Variants in BPTF observed in about 807,000 individuals in gnomAD.
BPTF encodes bromodomain PHD finger transcription factor, also known as nucleosome-remodeling factor subunit BPTF.
BPTF carries 18 observed loss-of-function variants against 292.5 expected under a neutral mutation model. The observed-to-expected ratio is 0.06, with a 90% confidence interval of 0.04 to 0.09. The LOEUF is 0.09. Ranked by LOEUF, BPTF falls within the 10% of genes least tolerant of loss-of-function variation. The probability of loss-of-function intolerance (pLI) is 1.00; values close to 1 mark genes in which losing one functional copy is unlikely to be tolerated. For synonymous variants in BPTF, 1,225 were observed against 1,251.9 expected, an observed-to-expected ratio of 0.98 and a Z score of 0.45; for missense variants, 2,726 against 3,498.7, an observed-to-expected ratio of 0.78 and a Z score of 5.57.
intron 4 of BPTF, among the ~76,000 whole-genome samples, chr17:67,884,940 T>C (rs73352835): frequency 0.018 from 2,771 of 152,290 alleles, 93 homozygotes; most frequent in African/African-American, 0.063. Flanking sequence ...TTTCTTCATA[T>C]AGTTTTATTT....
At chr17:67,970,050 ATGGCGAAACCC>A (rs2068591540) in intron 26 of BPTF, among the ~76,000 whole-genome samples, 1 of 152,106 alleles carries the variant, frequency 6.6e-6, no homozygotes. Flanking sequence ...CCTGACCAAC[ATGGCGAAACCC>A]TGTCTCTACT....
chr17:67,848,832 G>A (rs975152258), intron 1 of BPTF, among the ~76,000 whole-genome samples: 2 of 152,164 alleles, frequency 1.3e-5, no homozygotes, highest in Admixed American at 6.5e-5. Context: ...GAGGTAATAA[G>A]CTATCAGGTG....
In BPTF at chr17:67,911,663, G is replaced by A. The variant is rs2062662996; in HGVS notation, c.3779G>A (p.Ser1260Asn). Residue 1260 changes from serine (S) to asparagine (N), a missense_variant, in exon 11 of 28, where the codon AGT becomes AAT. Around this residue, in one of 22 missense-constraint regions of BPTF, gnomAD observed 713 missense variants for 714.9 expected, o/e 1.00. Transcript: ENST00000306378. ...KSALHSSVPK[S>N]TNDRDATPLS... is the part of the protein sequence containing the mutation. ...GCTTTACATTCATCAGTGCCTAAAA[G>A]TACCAATGACAGAGATGCCACACCT... 5 of 1,614,142 alleles carry A rather than the reference G, an allele frequency of 3.1e-6. No individual in the cohort carries two copies. The highest frequency in any genetic ancestry group is 4.2e-6 in the Non-Finnish European group (5 of 1,180,036).
rs781820068 is a variant in BPTF at position 67,983,636 on chromosome 17, T to TA, written c.*1349dup. The TA allele has an allele frequency of 2.0e-5, 3 of 152,638 alleles. No homozygotes were observed. Among genetic ancestry groups the TA allele is most frequent in the East Asian group, 1.9e-4 (1 of 5,194 alleles). 9.5% of individuals were successfully genotyped at this position (152,638 alleles called of 1,614,324 possible). A position where few individuals can be genotyped will look rare whatever the true frequency, so the allele number is the denominator to read the frequency against. ...TGCATGTTTTTCCTTTCAGTGTTCT[T>TA]ACACGTTGTATCACTGCATTGTGGT... On this transcript the variant is annotated 3_prime_UTR_variant, in exon 28 of 28. Transcript: ENST00000306378.
At chr17:67,920,250 A>G (rs762375538) in intron 13 of BPTF, 107 bp downstream of exon 13, 41 of 1,305,252 alleles carry the variant, frequency 3.1e-5, no homozygotes, top group African/African-American at 6.0e-5. Context: ...TAAAAAAGAC[A>G]TATTTTACAA....
intron 18 of BPTF, among the ~76,000 whole-genome samples, chr17:67,937,886 G>A (rs1347902278): frequency 6.6e-6 from 1 of 152,178 alleles, no homozygotes; most frequent in Non-Finnish European, 1.5e-5. Flanking sequence ...AGGCCAAGGC[G>A]GGCGGATCAC....
chr17:67,879,559 T>C lies in BPTF; in HGVS notation c.1864+4539T>C, dbSNP rs189178552. Among the ~76,000 whole-genome samples, 43 of 152,312 alleles carry C rather than the reference T, an allele frequency of 2.8e-4. No homozygotes were observed. The East Asian group carries it at 8.3e-3, about 29-fold the overall frequency. ...GTAGATAATGGCTATCTTAGTCCATTTGTGTTGCTGTAAAGGAGTATCTAA... is the reference window on the plus strand; with the variant it reads ...GTAGATAATGGCTATCTTAGTCCATCTGTGTTGCTGTAAAGGAGTATCTAA... On this transcript the variant is annotated intron_variant, in intron 4 of 27. Coordinates refer to ENST00000306378, the MANE Select transcript of BPTF (RefSeq NM_182641.4).
chr17:67,965,780 AGT>A (rs1489493899), intron 25 of BPTF: 1 of 151,474 alleles, frequency 6.6e-6, no homozygotes, highest in Non-Finnish European at 1.5e-5. Context: ...ACAGAAAGCC[AGT>A]GTGGTTGCTC....
intron 25 of BPTF, among the ~76,000 whole-genome samples, chr17:67,964,761 G>T (rs2067858281): frequency 6.6e-6 from 1 of 152,084 alleles, no homozygotes; most frequent in Non-Finnish European, 1.5e-5. Flanking sequence ...AGCACTTTGG[G>T]AGGCCAAGGT....
intron 26 of BPTF, among the ~76,000 whole-genome samples, chr17:67,973,336 T>C (rs2069007914): frequency 6.6e-6 from 1 of 150,506 alleles, no homozygotes. Flanking sequence ...ATCCCGCCAC[T>C]GCACTCCAGC....
chr17:67,920,874 A>T (rs2063384354), intron 13 of BPTF, among the ~76,000 whole-genome samples: 1 of 152,094 alleles, frequency 6.6e-6, no homozygotes. Context: ...ATTTTATTTT[A>T]TATAAACAAT....
chr17:67,876,133 G>A (rs188727479), intron 4 of BPTF, among the ~76,000 whole-genome samples: 6 of 152,100 alleles, frequency 3.9e-5, no homozygotes, highest in Non-Finnish European at 2.9e-5. Flanking sequence ...GCATGTGCTC[G>A]TGTAATATTT....
intron 25 of BPTF, among the ~76,000 whole-genome samples, chr17:67,964,737 A>G (rs1244239797): frequency 6.6e-6 from 1 of 152,138 alleles, no homozygotes; most frequent in Admixed American, 6.5e-5. Flanking sequence ...ATGGTGGCTC[A>G]TGCCTGTAAT....
At position 67,884,441 on chromosome 17, in the gene BPTF, G is replaced by A. The variant is rs189125559; in HGVS notation, c.1865-7403G>A. Among the ~76,000 whole-genome samples, 90 of 149,030 alleles carry A rather than the reference G, an allele frequency of 6.0e-4. 1 individual carries two copies. The East Asian group carries it at 0.017, about 28-fold the overall frequency. ...CCTCCCTTTTTTTTTTTTCTGACAA[G>A]TTCTCACTTTGTTACCCAGGCTAGA... On this transcript the variant is annotated intron_variant, in intron 4 of 27. Coordinates refer to ENST00000306378, the MANE Select transcript of BPTF (RefSeq NM_182641.4).
chr17:67,874,658 G>C (rs1487423165), intron 3 of BPTF, among the ~76,000 whole-genome samples, 159 bp from the exon 4 acceptor site: 1 of 152,052 alleles, frequency 6.6e-6, no homozygotes, highest in Non-Finnish European at 1.5e-5. Context: ...ACACAATTTT[G>C]TTTGTAATCT....
intron 4 of BPTF, among the ~76,000 whole-genome samples, chr17:67,884,358 C>T (rs968587119): frequency 2.0e-5 from 3 of 151,556 alleles, no homozygotes; most frequent in African/African-American, 4.8e-5. Flanking sequence ...TCAGGTGATC[C>T]GCCCACCTCA....
chr17:67,975,670 C>G, intron 26 of BPTF, 102 bp from the exon 27 acceptor site: 1 of 1,027,900 alleles, frequency 9.7e-7, no homozygotes, highest in South Asian at 1.9e-5. Context: ...GGCTCCAGGA[C>G]TGCTTGCACA....
intron 17 of BPTF, among the ~76,000 whole-genome samples, 195 bp from the exon 18 acceptor site, chr17:67,931,716 A>G (rs1246359786): frequency 2.6e-5 from 4 of 152,156 alleles, no homozygotes; most frequent in African/African-American, 9.7e-5. Flanking sequence ...TAGCATTTGA[A>G]TTAAGTTTTC....
intron 7 of BPTF, among the ~76,000 whole-genome samples, chr17:67,898,491 G>A (rs938484477): frequency 6.6e-6 from 1 of 151,106 alleles, no homozygotes; most frequent in South Asian, 2.1e-4. Context: ...TAATTTTTTC[G>A]TAGAGATGGG....
Sources: allele counts gnomAD v4.1 joint callset (sites outside exome capture counted in the v4.1 genomes callset), GRCh38; gene constraint gnomAD v4.1.1; regional missense constraint gnomAD v4.1.1; transcripts MANE v1.5; gene names NCBI Gene and HGNC (gene_info 2026-07-23, HGNC 2026-07-21).